KLHL42: variants seen among roughly 807,000 people sequenced by gnomAD.
KLHL42 encodes kelch-like protein 42.
A neutral mutation model predicts 32.7 loss-of-function variants in KLHL42; 27 were observed. That is an observed-to-expected ratio of 0.83 (90% confidence interval 0.61 to 1.14). The LOEUF (loss-of-function observed/expected upper bound fraction) is 1.14, where lower values mean the gene tolerates loss of function less well. Among genes scored for constraint, KLHL42 ranks in the 50% most tolerant of loss-of-function variants. The pLI is 0.00. For missense variants in KLHL42, 491 were observed against 560.8 expected (o/e 0.88, Z 1.26); for synonymous variants, 267 against 248.2 (o/e 1.08, Z -0.71).
intron 1 of KLHL42, among the ~76,000 whole-genome samples, chr12:27,786,544 C>T (rs1285144682): frequency 6.6e-6 from 1 of 152,178 alleles, no homozygotes; most frequent in Non-Finnish European, 1.5e-5. Context: ...ATTTTGGCCT[C>T]TGGCTATGCA....
At chr12:27,788,342 G>A (rs886667527) in intron 1 of KLHL42, 1 of 152,124 alleles carries the variant, frequency 6.6e-6, no homozygotes, top group African/African-American at 2.4e-5. Flanking sequence ...TCTCTGTGAG[G>A]TAGATGTTAT....
intron 1 of KLHL42, among the ~76,000 whole-genome samples, chr12:27,789,451 G>A (rs2062187001): frequency 6.6e-6 from 1 of 152,196 alleles, no homozygotes; most frequent in African/African-American, 2.4e-5. Context: ...CTCTTCAAGT[G>A]AATTTGAGCG....
rs2062238762 is a variant in KLHL42 at position 27,800,305 on chromosome 12, C to T, written c.*2139C>T. The stretch of plus-strand genomic sequence containing the variant: ...CCAAGTGAGGGTGTACTCTGATCCA[C>T]AAAGCTCTTTTATAAACCAGGTTTG... On this transcript the variant is annotated 3_prime_UTR_variant, in exon 3 of 3. Coordinates refer to ENST00000381271, the MANE Select transcript of KLHL42 (RefSeq NM_020782.2). The T allele has an allele frequency of 1.0e-6, 1 of 984,648 alleles. No individual in the cohort carries two copies. The highest frequency in any genetic ancestry group is 1.2e-6 in the Non-Finnish European group (1 of 829,888). The allele number at this position is 984,648 out of a possible 1,614,324, so 61.0% of individuals were successfully genotyped here. A position where few individuals can be genotyped will look rare whatever the true frequency, so the allele number is the denominator to read the frequency against.
At chr12:27,784,569 G>A (rs2062163732) in intron 1 of KLHL42, among the ~76,000 whole-genome samples, 2 of 152,048 alleles carry the variant, frequency 1.3e-5, no homozygotes, top group African/African-American at 4.8e-5. Context: ...CACTCTCATC[G>A]GGCCCGTGAA....
chr12:27,786,309 G>T (rs551563181), intron 1 of KLHL42, among the ~76,000 whole-genome samples: 6 of 152,156 alleles, frequency 3.9e-5, no homozygotes, highest in Non-Finnish European at 7.4e-5. Context: ...ATTTCATCAT[G>T]TGTGCCTCAG....
chr12:27,781,333 T>C (rs2062147369), intron 1 of KLHL42, 131 bp downstream of exon 1: 7 of 1,157,568 alleles, frequency 6.0e-6, no homozygotes, highest in Non-Finnish European at 1.2e-6. Context: ...TCAGGAATGT[T>C]GTTGGCCTTG....
chr12:27,793,834 GGT>G (rs1047575609), intron 2 of KLHL42, among the ~76,000 whole-genome samples: 6 of 152,100 alleles, frequency 3.9e-5, no homozygotes, highest in Non-Finnish European at 8.8e-5. Flanking sequence ...ACTCCTTTGT[GGT>G]ACCATATGGG....
At chr12:27,796,929 T>C (rs1277772871) in intron 2 of KLHL42, among the ~76,000 whole-genome samples, 2 of 152,156 alleles carry the variant, frequency 1.3e-5, no homozygotes, top group African/African-American at 2.4e-5. Flanking sequence ...TGAGACACCA[T>C]GCTTGGCCGA....
In KLHL42 at chr12:27,791,793, G is replaced by C; in HGVS notation, c.958G>C (p.Glu320Gln). ...AVSNVECYNPEQDAWNFVAPL... is the reference protein window; with the variant it reads ...AVSNVECYNPQQDAWNFVAPL... ...TTCTAACGTTGAGTGTTACAACCCC[G>C]AGCAGGATGCGTGGAATTTTGTGGC... Residue 320 changes from glutamate to glutamine, a missense_variant, in exon 2 of 3, where the codon GAG (glutamate) becomes CAG (glutamine). Transcript: ENST00000381271. The C allele has an allele frequency of 6.2e-7, 1 of 1,614,154 alleles. No individual in the cohort carries two copies. The highest frequency in any genetic ancestry group is 8.5e-7 in the Non-Finnish European group (1 of 1,180,028).
rs2062231538 is a variant in KLHL42 at position 27,798,869 on chromosome 12, G to C, written c.*703G>C. On this transcript the variant is annotated 3_prime_UTR_variant, in exon 3 of 3. Coordinates refer to ENST00000381271, the MANE Select transcript of KLHL42 (RefSeq NM_020782.2). Reference sequence around the variant, plus strand: ...AACCTCTTATTTTATTTATGTGGCAGGTTGCATATTTATGTGGACACATAG... The same window carrying C: ...AACCTCTTATTTTATTTATGTGGCACGTTGCATATTTATGTGGACACATAG... 1 of 152,284 alleles carries C rather than the reference G, an allele frequency of 6.6e-6. No individual in the cohort carries two copies. The highest frequency in any genetic ancestry group is 1.5e-5 in the Non-Finnish European group (1 of 68,006). 9.4% of individuals were successfully genotyped at this position (152,284 alleles called of 1,614,324 possible).
At chr12:27,781,246 T>C (rs750300268) in intron 1 of KLHL42, 44 bp downstream of exon 1, 1 of 1,600,190 alleles carries the variant, frequency 6.2e-7, no homozygotes, top group East Asian at 2.2e-5. Context: ...ATTCATTCAC[T>C]TGTTCATTAG....
chr12:27,784,897 C>T (rs1162199837), intron 1 of KLHL42, among the ~76,000 whole-genome samples: 2 of 152,188 alleles, frequency 1.3e-5, no homozygotes, highest in Non-Finnish European at 2.9e-5. Context: ...TTGCCAGTTT[C>T]CTAAAAATTG....
chr12:27,780,306 C>T lies in KLHL42; in HGVS notation c.-25C>T, dbSNP rs999217058. 5 of 1,533,508 alleles carry T rather than the reference C, an allele frequency of 3.3e-6. No individual in the cohort carries two copies. The highest frequency in any genetic ancestry group is 3.5e-6 in the Non-Finnish European group (4 of 1,144,436). The allele number at this position is 1,533,508 out of a possible 1,614,324, so 95.0% of individuals were successfully genotyped here. On this transcript the variant is annotated 5_prime_UTR_variant, in exon 1 of 3. Transcript: ENST00000381271. The surrounding 1 kb of genome is among the most constrained non-coding windows in gnomAD (Gnocchi z 8.8). ...GCCGGCGCGCAGATCTGGCGGTGAG[C>T]GCTGCCGCCCCGGGGCCCCCAGCCA...
intron 2 of KLHL42, among the ~76,000 whole-genome samples, chr12:27,793,288 C>G (rs969647860): frequency 2.6e-5 from 4 of 151,846 alleles, no homozygotes; most frequent in African/African-American, 9.7e-5. Flanking sequence ...ACCTGTAGTC[C>G]CAGTTGCTTG....
intron 1 of KLHL42, 67 bp from the exon 2 acceptor site, chr12:27,791,641 A>G (rs1180186320): frequency 1.5e-6 from 2 of 1,347,934 alleles, no homozygotes; most frequent in East Asian, 2.3e-5. Flanking sequence ...CTAGTAGTTC[A>G]TGCCATTGTT....
Position 27,800,204 on chromosome 12 carries a change from C to T in KLHL42, c.*2038C>T. 1.0e-6 allele frequency: 1 copy of T among 985,310 alleles called. No homozygotes were observed. Among genetic ancestry groups the T allele is most frequent in the Non-Finnish European group, 1.2e-6 (1 of 829,896 alleles). The allele number at this position is 985,310 out of a possible 1,614,324, so 61.0% of individuals were successfully genotyped here. A position where few individuals can be genotyped will look rare whatever the true frequency, so the allele number is the denominator to read the frequency against. On this transcript the variant is annotated 3_prime_UTR_variant, in exon 3 of 3. Coordinates refer to ENST00000381271, the MANE Select transcript of KLHL42 (RefSeq NM_020782.2). ...GCATATCATATCAAATACAATATTCCAGCCAACCAGTTAATTCTCTTCCTG... is the reference window on the plus strand; with the variant it reads ...GCATATCATATCAAATACAATATTCTAGCCAACCAGTTAATTCTCTTCCTG...
rs2062254222 is a variant in KLHL42 at position 27,802,786 on chromosome 12, C to A, written c.*4620C>A. ...GAATGGGGCACTTGAGCTGTCCCTG[C>A]AATGTTTTCATATCTAGTAGTCATT... On this transcript the variant is annotated 3_prime_UTR_variant, in exon 3 of 3. Coordinates refer to ENST00000381271, the MANE Select transcript of KLHL42 (RefSeq NM_020782.2). 3 of 152,194 alleles carry A rather than the reference C, an allele frequency of 2.0e-5. No individual in the cohort carries two copies. The South Asian group carries it at 6.3e-4, about 32-fold the overall frequency. The allele number at this position is 152,194 out of a possible 1,614,324, so 9.4% of individuals were successfully genotyped here.
rs2062245382 is a variant in KLHL42 at position 27,801,106 on chromosome 12, T to G, written c.*2940T>G. ...GATTATTTCAACAGTATTGGTTAAG[T>G]CACAACGACGAAGTGCTGAGAAGGT... is the stretch of plus-strand genomic sequence containing the variant. On this transcript the variant is annotated 3_prime_UTR_variant, in exon 3 of 3. Coordinates refer to ENST00000381271, the MANE Select transcript of KLHL42 (RefSeq NM_020782.2). 1 of 152,556 alleles carries G rather than the reference T, an allele frequency of 6.6e-6. No individual in the cohort carries two copies. Among genetic ancestry groups the G allele is most frequent in the Non-Finnish European group, 1.5e-5 (1 of 68,034 alleles). 9.5% of individuals were successfully genotyped at this position (152,556 alleles called of 1,614,324 possible).
rs772943373 is a variant in KLHL42, at chr12:27,791,753, C to T, written c.918C>T (p.Ile306=). ...CTGTTAATTCAAAACTCTATGCCATCGGAGGGCAGGCCGTTTCTAACGTTG... is the reference window on the plus strand; with the variant it reads ...CTGTTAATTCAAAACTCTATGCCATTGGAGGGCAGGCCGTTTCTAACGTTG... ...LVAVNSKLYA[I]GGQAVSNVEC... Residue 306 remains isoleucine, a synonymous_variant, in exon 2 of 3, where the codon ATC becomes ATT. Transcript: ENST00000381271. 2.3e-5 allele frequency: 37 copies of T among 1,614,048 alleles called. No individual in the cohort carries two copies. In the South Asian group the frequency reaches 2.6e-4, roughly 11 times the overall value.
Sources: gnomAD v4.1 joint callset for allele counts (sites outside exome capture counted in the v4.1 genomes callset) on GRCh38, gnomAD v4.1.1 for gene constraint, Gnocchi (gnomAD v3.1) non-coding constraint, MANE v1.5 for transcripts, NCBI Gene and HGNC (gene_info 2026-07-23, HGNC 2026-07-21) for gene names.